GABRA3: variants seen among roughly 807,000 people sequenced by gnomAD.
GABRA3 encodes gamma-aminobutyric acid receptor subunit alpha-3.
Under a neutral mutation model 30.1 loss-of-function variants are expected in GABRA3, and 10 were observed. The ratio of observed to expected loss-of-function variants is 0.33; its 90% CI spans 0.20 to 0.56. GABRA3 has a LOEUF of 0.56. Among genes scored for constraint, GABRA3 ranks in the 20% least tolerant of loss-of-function variants. The probability of loss-of-function intolerance (pLI) is 0.89; values close to 1 mark genes in which losing one functional copy is unlikely to be tolerated. For missense variants in GABRA3, 233 were observed against 392.0 expected, an observed-to-expected ratio of 0.59 and a Z score of 3.42; for synonymous variants, 151 against 146.8, an observed-to-expected ratio of 1.03 and a Z score of -0.21.
intron 1 of GABRA3, among the ~76,000 whole-genome samples, chrX:152,441,216 G>A (rs1024506177): frequency 2.7e-5 from 3 of 110,758 alleles, no homozygotes; most frequent in Admixed American, 9.6e-5. Flanking sequence ...CTTACAAAGG[G>A]TAAGTTTTAT....
intron 3 of GABRA3, among the ~76,000 whole-genome samples, chrX:152,337,735 C>T (rs1011841232): frequency 2.7e-5 from 3 of 111,457 alleles, no homozygotes; most frequent in South Asian, 3.8e-4. Context: ...AGGAAGATCC[C>T]GTGAGCCCAG....
At chrX:152,195,069 T>C (rs940386540) in intron 8 of GABRA3, among the ~76,000 whole-genome samples, 2 of 112,550 alleles carry the variant, frequency 1.8e-5, no homozygotes, top group African/African-American at 6.5e-5. Context: ...CTGTCTACTT[T>C]GTTCTTTTTT....
At chrX:152,240,988 C>G (rs1938351369) in intron 5 of GABRA3, among the ~76,000 whole-genome samples, 1 of 105,913 alleles carries the variant, frequency 9.4e-6, no homozygotes, top group African/African-American at 3.5e-5. Flanking sequence ...GCCTTCTTCT[C>G]TCAGCTCGTC....
At chrX:152,268,576 A>C (rs905197458) in intron 4 of GABRA3, among the ~76,000 whole-genome samples, 2 of 111,957 alleles carry the variant, frequency 1.8e-5, no homozygotes, top group Admixed American at 9.5e-5. Context: ...GGACTAATAC[A>C]CTTTGCTTTG....
intron 5 of GABRA3, among the ~76,000 whole-genome samples, chrX:152,254,197 T>C (rs962566765): frequency 2.7e-5 from 3 of 111,188 alleles, no homozygotes; most frequent in African/African-American, 9.8e-5. Flanking sequence ...TTCTCTTTCT[T>C]TCGTCTACAA....
At chrX:152,428,172 A>G (rs1930557438) in intron 1 of GABRA3, among the ~76,000 whole-genome samples, 1 of 112,275 alleles carries the variant, frequency 8.9e-6, no homozygotes, top group Non-Finnish European at 1.9e-5. Flanking sequence ...TCTCATTTGT[A>G]TAATCTCCGC....
At chrX:152,267,866 T>C (rs969525562) in intron 4 of GABRA3, among the ~76,000 whole-genome samples, 1 of 111,325 alleles carries the variant, frequency 9.0e-6, no homozygotes, top group African/African-American at 3.3e-5. Flanking sequence ...TTTTCATTTC[T>C]GATTTTATTT....
intron 1 of GABRA3, among the ~76,000 whole-genome samples, chrX:152,436,791 C>A (rs1930787580): frequency 9.0e-6 from 1 of 111,159 alleles, no homozygotes; most frequent in Non-Finnish European, 1.9e-5. Context: ...AACTCTAGAA[C>A]AAAACAAGAG....
intron 3 of GABRA3, among the ~76,000 whole-genome samples, chrX:152,342,214 G>GTA (rs1235075582): frequency 8.9e-6 from 1 of 112,653 alleles, no homozygotes; most frequent in Non-Finnish European, 1.9e-5. Context: ...GAGGAATGTA[G>GTA]TATCTCACTG....
chrX:152,181,712 C>A (rs1208996682), intron 9 of GABRA3, among the ~76,000 whole-genome samples: 1 of 109,723 alleles, frequency 9.1e-6, no homozygotes, highest in Non-Finnish European at 1.9e-5. Context: ...AGGAGATATA[C>A]CTAATGCTAA....
intron 3 of GABRA3, among the ~76,000 whole-genome samples, chrX:152,318,363 C>T (rs1830112982): frequency 9.0e-6 from 1 of 111,163 alleles, no homozygotes; most frequent in African/African-American, 3.3e-5. Flanking sequence ...AACCCAGGAC[C>T]AGACCAATTC....
At chrX:152,309,158 G>T (rs1000430603) in intron 3 of GABRA3, among the ~76,000 whole-genome samples, 2 of 111,806 alleles carry the variant, frequency 1.8e-5, no homozygotes, top group East Asian at 5.6e-4. Context: ...CAAAACCTAT[G>T]ATTCATTGGC....
intron 8 of GABRA3, among the ~76,000 whole-genome samples, chrX:152,196,024 T>G (rs946298279): frequency 1.1e-3 from 123 of 110,170 alleles, no homozygotes; most frequent in African/African-American, 3.9e-3. Context: ...TTCAGTTTCT[T>G]CTTTCATTTG....
chrX:152,351,235 C>T (rs1352500653), intron 2 of GABRA3, among the ~76,000 whole-genome samples: 1 of 112,134 alleles, frequency 8.9e-6, no homozygotes, highest in Admixed American at 9.4e-5. Flanking sequence ...GCATTTACTT[C>T]TTCTCTCTAG....
intron 3 of GABRA3, among the ~76,000 whole-genome samples, chrX:152,314,292 T>C (rs1314281996): frequency 5.4e-5 from 6 of 111,999 alleles, no homozygotes; most frequent in Non-Finnish European, 1.1e-4. Context: ...GCAGGAATCA[T>C]ATATTGCTCA....
intron 3 of GABRA3, among the ~76,000 whole-genome samples, chrX:152,327,740 G>T (rs1422829399): frequency 8.9e-6 from 1 of 111,765 alleles, no homozygotes; most frequent in Non-Finnish European, 1.9e-5. Flanking sequence ...ATGCCCACAA[G>T]AGAAAGCAGG....
At chrX:152,171,314 C>T (rs1330145114) in intron 9 of GABRA3, 1 of 256,746 alleles carries the variant, frequency 3.9e-6, no homozygotes, top group Non-Finnish European at 5.4e-6. Context: ...TGGGGAGAAG[C>T]AGCAATCACG....
intron 2 of GABRA3, among the ~76,000 whole-genome samples, chrX:152,347,937 G>A (rs969702020): frequency 1.1e-4 from 12 of 111,571 alleles, no homozygotes; most frequent in East Asian, 8.5e-4. Context: ...CCTGGGAAGC[G>A]GAGGTTGCAG....
At chrX:152,292,104 T>C (rs1036509732) in intron 3 of GABRA3, among the ~76,000 whole-genome samples, 15 of 111,778 alleles carry the variant, frequency 1.3e-4, no homozygotes, top group Non-Finnish European at 2.3e-4. Context: ...CCAGCTCCTC[T>C]TTGTACCTCT....
Sources: gnomAD v4.1 joint callset for allele counts (sites outside exome capture counted in the v4.1 genomes callset) on GRCh38, gnomAD v4.1.1 for gene constraint, MANE v1.5 for transcripts, NCBI Gene and HGNC (gene_info 2026-07-23, HGNC 2026-07-21) for gene names.